TP53BP2: variants seen among roughly 807,000 people sequenced by gnomAD.
The protein encoded by TP53BP2 is tumor protein p53 binding protein 2.
Under a neutral mutation model 126.2 loss-of-function variants are expected in TP53BP2, and 62 were observed. The ratio of observed to expected loss-of-function variants is 0.49; its 90% CI spans 0.40 to 0.61. The LOEUF (loss-of-function observed/expected upper bound fraction) is 0.61, where lower values mean the gene tolerates loss of function less well. Among genes scored for constraint, TP53BP2 ranks in the 20% least tolerant of loss-of-function variants. The probability of loss-of-function intolerance (pLI) is 0.00; values close to 1 mark genes in which losing one functional copy is unlikely to be tolerated. For missense variants in TP53BP2, 1,215 were observed against 1,402.8 expected (o/e 0.87, Z 2.14); for synonymous variants, 485 against 502.9 (o/e 0.96, Z 0.48).
At chr1:223,813,098 G>T (rs1662969171) in intron 3 of TP53BP2, among the ~76,000 whole-genome samples, 1 of 152,092 alleles carries the variant, frequency 6.6e-6, no homozygotes, top group African/African-American at 2.4e-5. Context: ...GTCTACTGCT[G>T]CTTCCCACCC....
chr1:223,801,369 T>C (rs1662522212), intron 9 of TP53BP2, among the ~76,000 whole-genome samples: 2 of 152,264 alleles, frequency 1.3e-5, no homozygotes, highest in South Asian at 2.1e-4. Flanking sequence ...GTAGTAGTTA[T>C]GGTAAAATAA....
intron 17 of TP53BP2, among the ~76,000 whole-genome samples, chr1:223,782,006 C>T (rs974446420): frequency 2.0e-5 from 3 of 151,750 alleles, no homozygotes; most frequent in African/African-American, 2.4e-5. Context: ...CACTTGGAAA[C>T]ATGCAATGTT....
intron 7 of TP53BP2, 140 bp from the exon 8 acceptor site, chr1:223,803,035 T>A: frequency 1.0e-6 from 1 of 993,590 alleles, no homozygotes; most frequent in Non-Finnish European, 1.4e-6. Flanking sequence ...TCTCATGGTT[T>A]AAAATTAAGT....
At chr1:223,843,309 T>C (rs1431923046) in intron 1 of TP53BP2, among the ~76,000 whole-genome samples, 1 of 152,126 alleles carries the variant, frequency 6.6e-6, no homozygotes, top group Non-Finnish European at 1.5e-5. Context: ...TAGCTGGGAC[T>C]ACAGGCGCAC....
At chr1:223,802,928 A>AG in intron 7 of TP53BP2, 33 bp from the exon 8 acceptor site, 1 of 1,611,290 alleles carries the variant, frequency 6.2e-7, no homozygotes, top group South Asian at 1.1e-5. Flanking sequence ...AAGGTAGCCA[A>AG]GGAGTAGGAA....
In TP53BP2 at chr1:223,793,417, T is replaced by G; in HGVS notation, c.2748A>C (p.Lys916Asn). The change falls in exon 14 of 18, where the codon AAA (lysine) becomes AAC (asparagine). Residue 916 changes from lysine (K) to asparagine (N), a missense_variant. Transcript: ENST00000343537. ...LPPGKRTNLR[K>N]TGSERIAHGM... is the part of the protein sequence containing the mutation. Reference sequence around the variant, plus strand: ...CATGAGCGATACGCTCTGAGCCAGTTTTACGCAAGTTTGTCCTTTTACCCT... The same window carrying G: ...CATGAGCGATACGCTCTGAGCCAGTGTTACGCAAGTTTGTCCTTTTACCCT... 6.3e-7 allele frequency: 1 copy of G among 1,594,730 alleles called. No homozygotes were observed. Among genetic ancestry groups the G allele is most frequent in the Non-Finnish European group, 8.5e-7 (1 of 1,173,082 alleles).
rs779473003 is a variant in TP53BP2, at chr1:223,841,912, C to CTTT, written c.27+3739_27+3741dup. Among the ~76,000 whole-genome samples the CTTT allele has an allele frequency of 3.3e-3, 466 of 142,400 alleles. 9 individuals are homozygous for CTTT. In the East Asian group the frequency reaches 0.038, roughly 12 times the overall value. The allele number at this position is 142,400 out of a possible 152,430, so 93.4% of individuals were successfully genotyped here. ...TAAAATAAGCCATTACTTTCTCTTT[C>CTTT]TTTTTTTTTTTTTTTGAGACAGTCT... is the stretch of plus-strand genomic sequence containing the variant. On this transcript the variant is annotated intron_variant, in intron 1 of 17. Transcript: ENST00000343537.
Position 223,802,901 on chromosome 1 carries a change from T to C in TP53BP2, c.832-6A>G, listed in dbSNP as rs759711260. Reference sequence around the variant, plus strand: ...TGATTCAATTTGTTTCTTAGCTGAATAAAAGAGAGGGGAAAAAAGGTAGCC... The same window carrying C: ...TGATTCAATTTGTTTCTTAGCTGAACAAAAGAGAGGGGAAAAAAGGTAGCC... On this transcript the variant is annotated splice_region_variant and splice_polypyrimidine_tract_variant and intron_variant, in intron 7 of 17. Coordinates refer to ENST00000343537, the MANE Select transcript of TP53BP2 (RefSeq NM_001031685.3). 1.2e-6 allele frequency: 2 copies of C among 1,613,712 alleles called. No homozygotes were observed. The highest frequency in any genetic ancestry group is 1.7e-6 in the Non-Finnish European group (2 of 1,179,984).
intron 2 of TP53BP2, among the ~76,000 whole-genome samples, chr1:223,820,568 C>G (rs1175099411): frequency 6.6e-6 from 1 of 152,178 alleles, no homozygotes; most frequent in Non-Finnish European, 1.5e-5. Flanking sequence ...AGTTAGCTAT[C>G]ATGAATGGCA....
Position 223,801,989 on chromosome 1 carries a change from A to G in TP53BP2, c.1225+127T>C, listed in dbSNP as rs191981172. The G allele has an allele frequency of 1.5e-4, 141 of 949,394 alleles. 1 individual carries two copies. Among genetic ancestry groups the G allele is most frequent in the Admixed American group, 1.1e-3 (38 of 35,246 alleles). The allele number at this position is 949,394 out of a possible 1,614,324, so 58.8% of individuals were successfully genotyped here. On this transcript the variant is annotated intron_variant, in intron 9 of 17. Transcript: ENST00000343537. ...TTTTAAACGTCTCATTACACCAGCA[A>G]AGAATATAAAAGGATTTTTAGAATT...
At chr1:223,837,538 AATTT>A (rs1422461767) in intron 1 of TP53BP2, among the ~76,000 whole-genome samples, 1 of 152,166 alleles carries the variant, frequency 6.6e-6, no homozygotes, top group Non-Finnish European at 1.5e-5. Context: ...TCACTAAAAC[AATTT>A]ATTAGAGCAA....
Position 223,802,800 on chromosome 1 carries a change from C to T in TP53BP2, c.927G>A (p.Lys309=), listed in dbSNP as rs554659839. 2 of 1,614,170 alleles carry T rather than the reference C, an allele frequency of 1.2e-6. No individual in the cohort carries two copies. The highest frequency in any genetic ancestry group is 1.3e-5 in the African/African-American group (1 of 75,040). Residue 309 remains lysine, a synonymous_variant, in exon 8 of 18, where the codon AAG becomes AAA. Transcript: ENST00000343537. ...GCCGGTCCCTCAGCTCATTAACACG[C>T]TTATCCATGACTGCCACTTCTGAAT... ...KRNSEVAVMD[K]RVNELRDRLW... is the part of the protein sequence containing the mutation.
At chr1:223,844,596 C>G (rs1314288610) in intron 1 of TP53BP2, among the ~76,000 whole-genome samples, 1 of 152,152 alleles carries the variant, frequency 6.6e-6, no homozygotes. Flanking sequence ...TTCCTTGAAT[C>G]CTGGCAGGAC....
chr1:223,780,935 G>A, intron 17 of TP53BP2, 41 bp from the exon 18 acceptor site: 2 of 1,565,392 alleles, frequency 1.3e-6, no homozygotes, highest in South Asian at 1.1e-5. Flanking sequence ...TATAATAGAT[G>A]TGTGGGAATA....
intron 1 of TP53BP2, among the ~76,000 whole-genome samples, chr1:223,828,285 C>G (rs1343580604): frequency 6.6e-6 from 1 of 152,166 alleles, no homozygotes; most frequent in African/African-American, 2.4e-5. Context: ...GCATACACAT[C>G]TACAGGCACA....
chr1:223,813,041 C>T (rs1662966481), intron 3 of TP53BP2, among the ~76,000 whole-genome samples: 1 of 152,156 alleles, frequency 6.6e-6, no homozygotes. Context: ...CTCGTTCTCC[C>T]ACATCCTACA....
intron 12 of TP53BP2, 28 bp downstream of exon 12, chr1:223,798,187 C>T (rs755725207): frequency 8.2e-6 from 13 of 1,587,198 alleles, no homozygotes; most frequent in Admixed American, 1.8e-5. Context: ...AACTTAAGCA[C>T]GTCACCTATG....
intron 2 of TP53BP2, among the ~76,000 whole-genome samples, chr1:223,819,316 C>T (rs1185984750): frequency 6.6e-6 from 1 of 151,948 alleles, no homozygotes; most frequent in East Asian, 1.9e-4. Context: ...ACAGCCCTGG[C>T]AAAGATAGAA....
Position 223,789,234 on chromosome 1 carries a change from A to T in TP53BP2, c.2997-60T>A, listed in dbSNP as rs577155787. ...CCTAAACTGAATGACACCTGCTGAT[A>T]AGATATCTGGAAAGAAAGTTCTTGA... On this transcript the variant is annotated intron_variant, in intron 15 of 17. Transcript: ENST00000343537. 250 of 1,572,770 alleles carry T rather than the reference A, an allele frequency of 1.6e-4. 1 individual carries two copies. The highest frequency in any genetic ancestry group is 8.8e-4 in the Admixed American group (49 of 55,794).
Sources: gnomAD v4.1 joint callset for allele counts (sites outside exome capture counted in the v4.1 genomes callset) on GRCh38, gnomAD v4.1.1 for gene constraint, MANE v1.5 for transcripts, NCBI Gene and HGNC (gene_info 2026-07-23, HGNC 2026-07-21) for gene names.